COL25A1: variants seen among roughly 807,000 people sequenced by gnomAD.
The protein encoded by COL25A1 is collagen alpha-1(XXV) chain.
A neutral mutation model predicts 128.4 loss-of-function variants in COL25A1; 103 were observed. That is an observed-to-expected ratio of 0.80 (90% CI 0.68 to 0.94). The LOEUF is 0.94. Among genes scored for constraint, COL25A1 ranks in the 40% least tolerant of loss-of-function variants. The probability of loss-of-function intolerance (pLI) is 0.00; values close to 1 mark genes in which losing one functional copy is unlikely to be tolerated. For synonymous variants in COL25A1, 279 were observed against 277.2 expected, an observed-to-expected ratio of 1.01 and a Z score of -0.06; for missense variants, 745 against 840.0, an observed-to-expected ratio of 0.89 and a Z score of 1.40.
rs751472904 is a variant in COL25A1, at chr4:108,863,429, C to A, written c.1084-42G>T. 6 of 1,544,226 alleles carry A rather than the reference C, an allele frequency of 3.9e-6. 1 individual carries two copies. In the Admixed American group the frequency reaches 1.1e-4, roughly 30 times the overall value. On this transcript the variant is annotated intron_variant, in intron 20 of 37. Transcript: ENST00000399132. ...AACAGGTAAATGGTCATTCCCCCCA[C>A]CCAGGCTGGTCCCTGTAGATTAATA... is the stretch of plus-strand genomic sequence containing the variant.
chr4:108,877,133 A>G (rs1488485996), intron 19 of COL25A1, among the ~76,000 whole-genome samples: 1 of 152,228 alleles, frequency 6.6e-6, no homozygotes, highest in Non-Finnish European at 1.5e-5. Context: ...TAATTTGAAC[A>G]AAAGATTTAA....
chr4:108,859,789 G>T, intron 23 of COL25A1, 56 bp from the exon 24 acceptor site: 1 of 1,298,106 alleles, frequency 7.7e-7, no homozygotes, highest in Non-Finnish European at 1.1e-6. Flanking sequence ...ATGTAGGGTG[G>T]ACTGTGGCAG....
intron 36 of COL25A1, among the ~76,000 whole-genome samples, chr4:108,818,736 TC>T (rs1421325438): frequency 6.6e-6 from 1 of 152,164 alleles, no homozygotes; most frequent in Non-Finnish European, 1.5e-5. Flanking sequence ...AGTTTGGTCT[TC>T]TTCTTTGTGG....
chr4:108,954,786 T>C (rs958470578), intron 8 of COL25A1, among the ~76,000 whole-genome samples: 9 of 152,038 alleles, frequency 5.9e-5, no homozygotes, highest in African/African-American at 1.9e-4. Flanking sequence ...ATGATATATA[T>C]GCATTATTTG....
chr4:109,167,646 T>C (rs1773197251), intron 3 of COL25A1, among the ~76,000 whole-genome samples: 1 of 152,098 alleles, frequency 6.6e-6, no homozygotes, highest in African/African-American at 2.4e-5. Context: ...CCTCCCTACT[T>C]CTCTCTCCCT....
At chr4:109,192,859 TA>T (rs528185836) in intron 3 of COL25A1, among the ~76,000 whole-genome samples, 157 of 131,050 alleles carry the variant, frequency 1.2e-3, no homozygotes, top group Non-Finnish European at 1.1e-3. Flanking sequence ...GTCTCAAAAT[TA>T]AAAAAAAAAA....
rs140278370 is a variant in COL25A1 at position 108,873,794 on chromosome 4, G to C, written c.1021-4644C>G. ...AGTTGAGATTGCAAAACCAAAAGAG[G>C]TTTAAAACACATCAGAACGGTGTAA... is the stretch of plus-strand genomic sequence containing the variant. On this transcript the variant is annotated intron_variant, in intron 19 of 37. Transcript: ENST00000399132. 5.9e-5 allele frequency among the ~76,000 whole-genome samples: 9 copies of C among 152,150 alleles called. No individual in the cohort carries two copies. In the East Asian group the frequency reaches 1.7e-3, roughly 29 times the overall value.
intron 13 of COL25A1, among the ~76,000 whole-genome samples, chr4:108,912,284 CTTA>C (rs1214081738): frequency 6.6e-6 from 1 of 152,030 alleles, no homozygotes; most frequent in Non-Finnish European, 1.5e-5. Context: ...CATTCATCCT[CTTA>C]TTATAGTTAC....
intron 11 of COL25A1, among the ~76,000 whole-genome samples, chr4:108,929,699 T>C (rs1370965571): frequency 6.6e-6 from 1 of 152,014 alleles, no homozygotes; most frequent in Non-Finnish European, 1.5e-5. Context: ...TGGTGGTGCA[T>C]GCCTTAGTCC....
At chr4:109,071,493 C>T (rs1426982014) in intron 3 of COL25A1, among the ~76,000 whole-genome samples, 1 of 152,082 alleles carries the variant, frequency 6.6e-6, no homozygotes, top group Non-Finnish European at 1.5e-5. Flanking sequence ...AAGAAACCAC[C>T]ATCAGAGTGA....
At chr4:108,987,894 C>T (rs1286182987) in intron 6 of COL25A1, among the ~76,000 whole-genome samples, 1 of 152,186 alleles carries the variant, frequency 6.6e-6, no homozygotes, top group Non-Finnish European at 1.5e-5. Flanking sequence ...CCAGACTATC[C>T]TTTGAATATG....
intron 15 of COL25A1, among the ~76,000 whole-genome samples, 169 bp downstream of exon 15, chr4:108,898,985 A>ATACATCTC (rs1560826215): frequency 6.8e-6 from 1 of 146,240 alleles, no homozygotes; most frequent in Non-Finnish European, 1.5e-5. Context: ...ATCTATATCT[A>ATACATCTC]TATATCTATA....
intron 5 of COL25A1, among the ~76,000 whole-genome samples, chr4:109,043,600 C>T (rs1294644598): frequency 6.6e-6 from 1 of 151,930 alleles, no homozygotes; most frequent in Non-Finnish European, 1.5e-5. Context: ...AAAAAGGTCT[C>T]CTGGCTCTTT....
At chr4:108,929,935 T>C (rs189167010) in intron 11 of COL25A1, among the ~76,000 whole-genome samples, 18 of 152,266 alleles carry the variant, frequency 1.2e-4, no homozygotes, top group Admixed American at 1.0e-3. Context: ...TGACATCAAT[T>C]GGGAGAAAAA....
intron 3 of COL25A1, among the ~76,000 whole-genome samples, chr4:109,054,045 CTGAA>C (rs1375524792): frequency 2.0e-5 from 3 of 152,162 alleles, no homozygotes; most frequent in African/African-American, 4.8e-5. Context: ...AAATTCCTGA[CTGAA>C]TGGAGGAGGT....
chr4:109,025,779 T>A (rs916504034), intron 5 of COL25A1, among the ~76,000 whole-genome samples: 24 of 152,198 alleles, frequency 1.6e-4, no homozygotes, highest in Admixed American at 2.0e-4. Context: ...CCAAGAGTTT[T>A]ACAAATGTCA....
At chr4:109,007,212 T>G (rs1648014) in intron 6 of COL25A1, among the ~76,000 whole-genome samples, 38,686 of 152,032 alleles carry the variant, frequency 0.25, 7,457 homozygotes, top group African/African-American at 0.54. Flanking sequence ...CAATAGGTAA[T>G]GGGGAAAACA....
intron 3 of COL25A1, among the ~76,000 whole-genome samples, chr4:109,229,529 T>C (rs1255928664): frequency 1.3e-5 from 2 of 152,216 alleles, no homozygotes; most frequent in African/African-American, 2.4e-5. Context: ...AAGTTCTCCA[T>C]AAGACACGTT....
chr4:109,020,052 C>A (rs1427084479), intron 5 of COL25A1, among the ~76,000 whole-genome samples: 3 of 151,594 alleles, frequency 2.0e-5, no homozygotes, highest in Admixed American at 2.0e-4. Flanking sequence ...GATAAAGTAT[C>A]AACTAATTTT....
Sources: allele counts gnomAD v4.1 joint callset (sites outside exome capture counted in the v4.1 genomes callset), GRCh38; gene constraint gnomAD v4.1.1; transcripts MANE v1.5; gene names NCBI Gene and HGNC (gene_info 2026-07-23, HGNC 2026-07-21).